OTOF: variants seen among roughly 807,000 people sequenced by gnomAD.
OTOF encodes fer-1-like family member 2.
Under a neutral mutation model 236.8 loss-of-function variants are expected in OTOF, and 218 were observed. That is an observed-to-expected ratio of 0.92 (90% CI 0.82 to 1.03). OTOF has a LOEUF of 1.03. Among genes scored for constraint, OTOF ranks in the 50% least tolerant of loss-of-function variants. The pLI, the probability that OTOF is intolerant of heterozygous loss-of-function variation, is 0.00. For missense variants in OTOF, 2,590 were observed against 2,694.4 expected (o/e 0.96, Z 0.86); for synonymous variants, 1,041 against 1,072.5 (o/e 0.97, Z 0.57).
At chr2:26,519,478 C>G (rs1435892100) in intron 3 of OTOF, among the ~76,000 whole-genome samples, 1 of 152,208 alleles carries the variant, frequency 6.6e-6, no homozygotes, top group Non-Finnish European at 1.5e-5. Context: ...CCTGGATGGA[C>G]AAGTAGCTCC....
At chr2:26,509,979 T>C (rs543611560) in intron 5 of OTOF, among the ~76,000 whole-genome samples, 5 of 152,256 alleles carry the variant, frequency 3.3e-5, no homozygotes, top group African/African-American at 1.2e-4. Context: ...ACTGCCCTTA[T>C]GAGATCCCGT....
At chr2:26,489,145 G>A in intron 11 of OTOF, 66 bp downstream of exon 11, 5 of 1,158,612 alleles carry the variant, frequency 4.3e-6, no homozygotes, top group South Asian at 1.3e-5. Context: ...CAGTGGGAAG[G>A]GCCCCGTGCA....
At chr2:26,537,815 C>T in intron 1 of OTOF, 41 bp from the exon 2 acceptor site, 1 of 1,444,348 alleles carries the variant, frequency 6.9e-7, no homozygotes, top group South Asian at 1.2e-5. Flanking sequence ...TCAGAGCTGT[C>T]CAGACGATGA....
At chr2:26,556,902 C>T (rs958701386) in intron 1 of OTOF, among the ~76,000 whole-genome samples, 1 of 152,202 alleles carries the variant, frequency 6.6e-6, no homozygotes, top group Non-Finnish European at 1.5e-5. Flanking sequence ...CCACATTTCA[C>T]AGATGAAAGG....
At chr2:26,548,192 T>C (rs1235985066) in intron 1 of OTOF, among the ~76,000 whole-genome samples, 6 of 152,240 alleles carry the variant, frequency 3.9e-5, no homozygotes, top group Non-Finnish European at 7.3e-5. Flanking sequence ...CTAGGGTTTA[T>C]CTATTTTATT....
chr2:26,537,482 G>A (rs1350189715), intron 2 of OTOF, among the ~76,000 whole-genome samples: 8 of 152,346 alleles, frequency 5.3e-5, no homozygotes, highest in Non-Finnish European at 1.0e-4. Flanking sequence ...GCTGTTCCCC[G>A]TGTCATTTGC....
intron 1 of OTOF, among the ~76,000 whole-genome samples, chr2:26,539,248 A>G (rs1667153367): frequency 1.3e-5 from 2 of 152,318 alleles, no homozygotes; most frequent in Non-Finnish European, 2.9e-5. Flanking sequence ...AATTTCTGTG[A>G]GGAGAAACCT....
chr2:26,465,639 C>T, intron 38 of OTOF, 33 bp downstream of exon 38: 1 of 1,605,952 alleles, frequency 6.2e-7, no homozygotes, highest in East Asian at 2.2e-5. Flanking sequence ...AGCAGGCACA[C>T]TGCCCCCGCC....
intron 1 of OTOF, among the ~76,000 whole-genome samples, chr2:26,554,006 A>G (rs750028065): frequency 6.6e-6 from 1 of 152,068 alleles, no homozygotes; most frequent in Non-Finnish European, 1.5e-5. Context: ...CACCGTCTCT[A>G]CTAAAAATAC....
Position 26,457,849 on chromosome 2 carries a change from G to A in OTOF, c.*389C>T. ...CAGCCCACAGGCAGGGGTCAGAGGGGCGGGACTGGGCAAGCCGCAGCCTGG... is the reference window on the plus strand; with the variant it reads ...CAGCCCACAGGCAGGGGTCAGAGGGACGGGACTGGGCAAGCCGCAGCCTGG... On this transcript the variant is annotated 3_prime_UTR_variant, in exon 47 of 47. Coordinates refer to ENST00000272371, the MANE Select transcript of OTOF (RefSeq NM_194248.3). The surrounding 1 kb of genome is among the most constrained non-coding windows in gnomAD (Gnocchi z 4.4). The A allele has an allele frequency of 1.6e-6, 1 of 612,004 alleles. No homozygotes were observed. Among genetic ancestry groups the A allele is most frequent in the Non-Finnish European group, 2.9e-6 (1 of 349,162 alleles). 37.9% of individuals were successfully genotyped at this position (612,004 alleles called of 1,614,324 possible).
At chr2:26,524,033 C>T (rs112091058) in intron 3 of OTOF, among the ~76,000 whole-genome samples, 180 of 152,394 alleles carry the variant, frequency 1.2e-3, no homozygotes, top group African/African-American at 4.0e-3. Context: ...AGCTCTGCAG[C>T]CAGCAGTGCC....
intron 9 of OTOF, among the ~76,000 whole-genome samples, chr2:26,494,287 GGGT>G (rs1665921323): frequency 6.6e-6 from 1 of 152,230 alleles, no homozygotes; most frequent in Admixed American, 6.5e-5. Flanking sequence ...GAATAGGAGT[GGGT>G]ACCAAATGTT....
chr2:26,536,573 C>T (rs991171796), intron 2 of OTOF, among the ~76,000 whole-genome samples: 1 of 152,126 alleles, frequency 6.6e-6, no homozygotes, highest in African/African-American at 2.4e-5. Flanking sequence ...ACAGCCACAT[C>T]GTGTGGCCTG....
Position 26,504,457 on chromosome 2 carries a change from C to T in OTOF, c.510-612G>A, listed in dbSNP as rs539182317. ...CGTGTTCTGGGATGCTCCTTGGTCC[C>T]CATGAAAAAGGGGGAGATAGGCCCT... is the stretch of plus-strand genomic sequence containing the variant. On this transcript the variant is annotated intron_variant, in intron 5 of 46. Coordinates refer to ENST00000272371, the MANE Select transcript of OTOF (RefSeq NM_194248.3). 4.6e-5 allele frequency among the ~76,000 whole-genome samples: 7 copies of T among 152,270 alleles called. No individual in the cohort carries two copies. The East Asian group carries it at 1.3e-3, about 29-fold the overall frequency.
chr2:26,460,776 C>G lies in OTOF; in HGVS notation c.5713-29G>C. ...CAGAGGACAGACAGGTCCCAGCGTCCAGGCTGCGTGCTGGGCCCTTGGCAC... is the reference window on the plus strand; with the variant it reads ...CAGAGGACAGACAGGTCCCAGCGTCGAGGCTGCGTGCTGGGCCCTTGGCAC... On this transcript the variant is annotated intron_variant, in intron 44 of 46. Transcript: ENST00000272371. This position sits in a 1 kb window ranked among gnomAD's most constrained non-coding sequence, Gnocchi z 5.3. 6.2e-7 allele frequency: 1 copy of G among 1,613,664 alleles called. No homozygotes were observed. The highest frequency in any genetic ancestry group is 2.2e-5 in the East Asian group (1 of 44,868).
At chr2:26,491,503 A>T (rs1665839575) in intron 9 of OTOF, among the ~76,000 whole-genome samples, 1 of 152,212 alleles carries the variant, frequency 6.6e-6, no homozygotes, top group Non-Finnish European at 1.5e-5. Flanking sequence ...CTGGAGTAGA[A>T]CACCTTATAG....
chr2:26,529,369 G>A (rs974099981), intron 2 of OTOF, among the ~76,000 whole-genome samples: 4 of 152,128 alleles, frequency 2.6e-5, no homozygotes, highest in Non-Finnish European at 5.9e-5. Flanking sequence ...AGTAATAATC[G>A]CTGCCATTTC....
chr2:26,464,990 G>T lies in OTOF; in HGVS notation c.4839C>A (p.Ser1613Arg), dbSNP rs1279950437. ...CTTTGCAGAGGCGGGTCAGGATCTGGCTGGGCTTCATGGGGTCCCGCCAGA... is the reference window on the plus strand; with the variant it reads ...CTTTGCAGAGGCGGGTCAGGATCTGTCTGGGCTTCATGGGGTCCCGCCAGA... ...YNIWRDPMKP[S>R]QILTRLCKDG... is the part of the protein sequence containing the mutation. The change falls in exon 39 of 47, where the codon AGC (serine) becomes AGA (arginine). Residue 1613 changes from serine to arginine, a missense_variant. Transcript: ENST00000272371. 6.6e-7 allele frequency: 1 copy of T among 1,521,384 alleles called. No individual in the cohort carries two copies. Among genetic ancestry groups the T allele is most frequent in the Non-Finnish European group, 8.9e-7 (1 of 1,129,200 alleles). 94.2% of individuals were successfully genotyped at this position (1,521,384 alleles called of 1,614,324 possible). A position where few individuals can be genotyped will look rare whatever the true frequency, so the allele number is the denominator to read the frequency against.
intron 15 of OTOF, 135 bp downstream of exon 15, chr2:26,480,651 G>C (rs1665512426): frequency 1.3e-6 from 1 of 741,936 alleles, no homozygotes; most frequent in Admixed American, 2.1e-5. Flanking sequence ...TGCTTCCTGG[G>C]GAGAAGCCTT....
Sources: gnomAD v4.1 joint callset for allele counts (sites outside exome capture counted in the v4.1 genomes callset) on GRCh38, gnomAD v4.1.1 for gene constraint, Gnocchi (gnomAD v3.1) non-coding constraint, MANE v1.5 for transcripts, NCBI Gene and HGNC (gene_info 2026-07-23, HGNC 2026-07-21) for gene names.